MYLK4: variants seen among roughly 807,000 people sequenced by gnomAD.
MYLK4 encodes myosin light chain kinase family member 4.
MYLK4 carries 46 observed loss-of-function variants against 48.1 expected under a neutral mutation model. The ratio of observed to expected loss-of-function variants is 0.96; its 90% CI spans 0.75 to 1.22. MYLK4 has a LOEUF of 1.22. Ranked by LOEUF, MYLK4 falls within the 50% of genes most tolerant of loss-of-function variation. The pLI, the probability that MYLK4 is intolerant of heterozygous loss-of-function variation, is 0.00. For synonymous variants in MYLK4, 170 were observed against 180.8 expected (o/e 0.94, Z 0.48); for missense variants, 451 against 486.1 (o/e 0.93, Z 0.68).
At chr6:2,766,405 C>T in the MYLK4 span, 22 of 1,604,762 alleles carry the variant, frequency 1.4e-5, no homozygotes, top group Middle Eastern at 1.7e-4. Context: ...CCAACGAAAT[C>T]CCCTCGCTTA....
the MYLK4 span, among the ~76,000 whole-genome samples, chr6:2,766,712 G>A: frequency 6.6e-6 from 1 of 152,228 alleles, no homozygotes; most frequent in South Asian, 2.1e-4. Flanking sequence ...TTTACAAGAT[G>A]TGGACTCTTA....
chr6:2,770,313 C>T, the MYLK4 span: 1 of 1,614,176 alleles, frequency 6.2e-7, no homozygotes, highest in Non-Finnish European at 8.5e-7. Flanking sequence ...GTCCTAGACT[C>T]TAGCCGTCCC....
chr6:2,764,513 A>G, the MYLK4 span, among the ~76,000 whole-genome samples: 3 of 152,236 alleles, frequency 2.0e-5, no homozygotes, highest in African/African-American at 4.8e-5. Context: ...TCTAGTTACC[A>G]AAAATGCCTG....
intron 4 of MYLK4, among the ~76,000 whole-genome samples, chr6:2,686,851 C>A (rs1466400531): frequency 1.3e-5 from 2 of 152,210 alleles, no homozygotes; most frequent in African/African-American, 4.8e-5. Flanking sequence ...CCCCAGCCAC[C>A]TCTTAATTGG....
At chr6:2,725,079 A>C (rs1006251464) in intron 2 of MYLK4, among the ~76,000 whole-genome samples, 1 of 152,160 alleles carries the variant, frequency 6.6e-6, no homozygotes, top group African/African-American at 2.4e-5. Context: ...TGAACCTGGG[A>C]GGCGGAGGTG....
chr6:2,692,486 AT>A (rs1431457310), intron 3 of MYLK4, among the ~76,000 whole-genome samples: 1 of 152,112 alleles, frequency 6.6e-6, no homozygotes, highest in Non-Finnish European at 1.5e-5. Context: ...GATCAGTATA[AT>A]TTTGGCTTTC....
At position 2,692,993 on chromosome 6, in the gene MYLK4, T is replaced by A. The variant is rs556133900; in HGVS notation, c.160-134A>T. On this transcript the variant is annotated intron_variant, in intron 2 of 12. Transcript: ENST00000274643. ...GAGCATTACAGGACAGCAGCATCAC[T>A]GGCCTCTATCCACCAGATGCCAGTA... 4 of 779,468 alleles carry A rather than the reference T, an allele frequency of 5.1e-6. No individual in the cohort carries two copies. The East Asian group carries it at 1.2e-4, about 23-fold the overall frequency. 48.3% of individuals were successfully genotyped at this position (779,468 alleles called of 1,614,324 possible).
chr6:2,736,662 A>G (rs961252580), intron 2 of MYLK4, among the ~76,000 whole-genome samples: 5 of 152,232 alleles, frequency 3.3e-5, no homozygotes, highest in Non-Finnish European at 7.3e-5. Flanking sequence ...TCTTCCTGAC[A>G]TCCCCAGCTA....
At chr6:2,762,843 G>A in the MYLK4 span, among the ~76,000 whole-genome samples, 4 of 152,162 alleles carry the variant, frequency 2.6e-5, no homozygotes, top group East Asian at 7.7e-4. Flanking sequence ...TCTTAAGTTA[G>A]CCGTTCCTGC....
At chr6:2,718,059 A>T (rs1049106154) in intron 2 of MYLK4, among the ~76,000 whole-genome samples, 3 of 152,080 alleles carry the variant, frequency 2.0e-5, no homozygotes, top group Non-Finnish European at 1.5e-5. Flanking sequence ...GCATGCCTGT[A>T]ATTCCAGCTA....
chr6:2,690,813 C>G (rs534760859), intron 3 of MYLK4, among the ~76,000 whole-genome samples: 8 of 145,940 alleles, frequency 5.5e-5, no homozygotes, highest in African/African-American at 2.0e-4. Context: ...AAGCAATAAT[C>G]TCTCTGAATC....
At chr6:2,747,797 C>T (rs1224337381) in intron 2 of MYLK4, among the ~76,000 whole-genome samples, 1 of 152,154 alleles carries the variant, frequency 6.6e-6, no homozygotes, top group Non-Finnish European at 1.5e-5. Context: ...AATATTTTGT[C>T]TTCTCTGTCC....
the MYLK4 span, chr6:2,765,568 G>C: frequency 7.1e-7 from 1 of 1,403,604 alleles, no homozygotes; most frequent in Non-Finnish European, 9.2e-7. Flanking sequence ...GAAGGCCTCC[G>C]CGTGCGCACG....
At chr6:2,716,428 CAAAG>C (rs1426386254) in intron 2 of MYLK4, among the ~76,000 whole-genome samples, 3 of 152,208 alleles carry the variant, frequency 2.0e-5, no homozygotes, top group African/African-American at 7.2e-5. Flanking sequence ...TAAAACATCT[CAAAG>C]AAATCACAAG....
At chr6:2,739,539 G>C (rs937019165) in intron 2 of MYLK4, among the ~76,000 whole-genome samples, 1 of 152,166 alleles carries the variant, frequency 6.6e-6, no homozygotes, top group African/African-American at 2.4e-5. Context: ...ATGACAACCT[G>C]TGTGCATCTG....
intron 2 of MYLK4, among the ~76,000 whole-genome samples, chr6:2,725,338 C>T (rs1461706537): frequency 6.6e-6 from 1 of 151,962 alleles, no homozygotes; most frequent in Non-Finnish European, 1.5e-5. Flanking sequence ...TGGTGGTACA[C>T]ACCTACAGTC....
chr6:2,740,505 G>A (rs763537402), intron 2 of MYLK4, among the ~76,000 whole-genome samples: 5 of 152,230 alleles, frequency 3.3e-5, no homozygotes, highest in Non-Finnish European at 7.3e-5. Flanking sequence ...GCCTGCTTCA[G>A]TCCTATGGGC....
chr6:2,765,477 C>A, the MYLK4 span: 2 of 1,052,672 alleles, frequency 1.9e-6, no homozygotes, highest in Non-Finnish European at 1.2e-6. Flanking sequence ...GAGGCATGAG[C>A]GGCGCCCTCC....
chr6:2,737,815 A>T (rs538573141), intron 2 of MYLK4, among the ~76,000 whole-genome samples: 8 of 152,144 alleles, frequency 5.3e-5, no homozygotes, highest in Non-Finnish European at 8.8e-5. Flanking sequence ...GTCACAGACA[A>T]TATGCCCTAT....
Sources: allele counts gnomAD v4.1 joint callset (sites outside exome capture counted in the v4.1 genomes callset), GRCh38; gene constraint gnomAD v4.1.1; transcripts MANE v1.5; gene names NCBI Gene and HGNC (gene_info 2026-07-23, HGNC 2026-07-21).